Variants in RTN2 observed in about 807,000 individuals in gnomAD.
The protein encoded by RTN2 is reticulon 2, also known as reticulon-2.
RTN2 carries 36 observed loss-of-function variants against 63.7 expected under a neutral mutation model. That is an observed-to-expected ratio of 0.56 (90% CI 0.43 to 0.75). The LOEUF (loss-of-function observed/expected upper bound fraction) is 0.75. Ranked by LOEUF, RTN2 falls within the 30% of genes least tolerant of loss-of-function variation. The pLI is 0.00. For synonymous variants in RTN2, 312 were observed against 313.0 expected (o/e 1.00, Z 0.03); for missense variants, 673 against 705.1 (o/e 0.95, Z 0.52).
At position 45,493,183 on chromosome 19, in the gene RTN2, A is replaced by T; in HGVS notation, c.1010T>A (p.Leu337His). ...PRSSGVPSLS[L>H]GADMGSKVAD... is the part of the protein sequence containing the mutation. ...ACCTTTACTCCCCATATCGGCTCCG[A>T]GTGAGAGGCTGGGGACACCGCTGCT... is the stretch of plus-strand genomic sequence containing the variant. The change falls in exon 5 of 11, where the codon CTC becomes CAC. Residue 337 changes from leucine (L) to histidine (H), a missense_variant. Leu to His is a moderately conservative substitution (Grantham distance 99). Coordinates refer to ENST00000245923, the MANE Select transcript of RTN2 (RefSeq NM_005619.5). 1 of 1,612,350 alleles carries T rather than the reference A, an allele frequency of 6.2e-7. No individual in the cohort carries two copies. The highest frequency in any genetic ancestry group is 8.5e-7 in the Non-Finnish European group (1 of 1,179,832).
chr19:45,493,135 C>A (rs746486867), intron 5 of RTN2, 25 bp downstream of exon 5: 3 of 1,605,778 alleles, frequency 1.9e-6, no homozygotes, highest in Non-Finnish European at 2.6e-6. Context: ...CCTCAGCCCC[C>A]GTCCAGCCCG....
chr19:45,494,668 G>A lies in RTN2; in HGVS notation c.417C>T (p.Asp139=), dbSNP rs1025906520. The A allele has an allele frequency of 3.5e-5, 57 of 1,613,862 alleles. No individual in the cohort carries two copies. The highest frequency in any genetic ancestry group is 4.4e-5 in the Non-Finnish European group (52 of 1,180,010). Residue 139 remains aspartate (D), a synonymous_variant, in exon 3 of 11, where the codon GAC becomes GAT. Transcript: ENST00000245923. This position sits in a 1 kb window ranked among gnomAD's most constrained non-coding sequence, Gnocchi z 5.3. ...CCAGATGGTCCAACCGAAGCCTCAG[G>A]TCTTCCAGAGGGCGCTCGGATGGAG... The part of the protein sequence containing the change: ...TAPPSERPLE[D]LRLRLDHLGW...
Position 45,494,361 on chromosome 19 carries a change from G to A in RTN2, c.619C>T (p.Leu207Phe). The A allele has an allele frequency of 6.2e-7, 1 of 1,614,144 alleles. No homozygotes were observed. Among genetic ancestry groups the A allele is most frequent in the Non-Finnish European group, 8.5e-7 (1 of 1,180,004 alleles). Residue 207 changes from leucine (L) to phenylalanine (F), a missense_variant, in exon 4 of 11, where the codon CTC (leucine) becomes TTC (phenylalanine). Physicochemically the swap from Leu to Phe is conservative, Grantham distance 22 (BLOSUM62 0). Coordinates refer to ENST00000245923, the MANE Select transcript of RTN2 (RefSeq NM_005619.5). This position sits in a 1 kb window ranked among gnomAD's most constrained non-coding sequence, Gnocchi z 5.3. ...TGGGGTGTCCCAGAGCCCGGACTGA[G>A]CTGGGGAGTCAAGACCTCGGGCGAT... ...PSSPEVLTPQ[L>F]SPGSGTPQAG... is the part of the protein sequence containing the mutation.
At position 45,496,783 on chromosome 19, in the gene RTN2, T is replaced by C. The variant is rs771688017; in HGVS notation, c.34+9A>G. On this transcript the variant is annotated intron_variant, in intron 1 of 10. Transcript: ENST00000245923. ...GGCCCACACCAGGCCCCAGTCTTCCTCTACTCACTGCAGTGGGCGAAGACC... is the reference window on the plus strand; with the variant it reads ...GGCCCACACCAGGCCCCAGTCTTCCCCTACTCACTGCAGTGGGCGAAGACC... The C allele has an allele frequency of 1.3e-6, 2 of 1,514,302 alleles. No homozygotes were observed. The highest frequency in any genetic ancestry group is 8.9e-7 in the Non-Finnish European group (1 of 1,125,682). The allele number at this position is 1,514,302 out of a possible 1,614,324, so 93.8% of individuals were successfully genotyped here.
chr19:45,494,885 A>T lies in RTN2; in HGVS notation c.200T>A (p.Ile67Asn). The stretch of plus-strand genomic sequence containing the variant: ...GGAGCCCACTACACCATCAAAGGCG[A>T]TGTAGGAGAAGGTCAGCTCCCGGGG... ...GTPRELTFSY[I>N]AFDGVVGSGG... Residue 67 changes from isoleucine to asparagine, a missense_variant, in exon 3 of 11, where the codon ATC becomes AAC. Physicochemically the swap from Ile to Asn is moderately radical, Grantham distance 149 (BLOSUM62 -3). Coordinates refer to ENST00000245923, the MANE Select transcript of RTN2 (RefSeq NM_005619.5). This position sits in a 1 kb window ranked among gnomAD's most constrained non-coding sequence, Gnocchi z 5.3. 6.2e-7 allele frequency: 1 copy of T among 1,610,572 alleles called. No homozygotes were observed. The highest frequency in any genetic ancestry group is 8.5e-7 in the Non-Finnish European group (1 of 1,179,980).
At chr19:45,492,809 G>A (rs1209160750) in intron 5 of RTN2, among the ~76,000 whole-genome samples, 1 of 152,192 alleles carries the variant, frequency 6.6e-6, no homozygotes. Flanking sequence ...GTGGATGGGG[G>A]AGGGGCCAGG....
rs1276098803 is a variant in RTN2 at position 45,488,537 on chromosome 19, G to A, written c.1451-20C>T. The A allele has an allele frequency of 1.7e-5, 27 of 1,613,874 alleles. No homozygotes were observed. In the East Asian group the frequency reaches 6.0e-4, roughly 36 times the overall value. On this transcript the variant is annotated intron_variant, in intron 8 of 10. Transcript: ENST00000245923. Reference sequence around the variant, plus strand: ...TCACTCCTGTGGGTACAGAGATGGGGGCGTCAGGGTGTTCCCAAGAGATGA... The same window carrying A: ...TCACTCCTGTGGGTACAGAGATGGGAGCGTCAGGGTGTTCCCAAGAGATGA...
Position 45,485,510 on chromosome 19 carries a change from C to G in RTN2, c.*198G>C. ...AAGGTGCCTCGTCTTTCCTGGACTC[C>G]TGGAGCAGAGCCTCTTGGGAAATGT... On this transcript the variant is annotated 3_prime_UTR_variant, in exon 11 of 11. Coordinates refer to ENST00000245923, the MANE Select transcript of RTN2 (RefSeq NM_005619.5). The G allele has an allele frequency of 1.7e-6, 1 of 587,998 alleles. No individual in the cohort carries two copies. The allele number at this position is 587,998 out of a possible 1,614,324, so 36.4% of individuals were successfully genotyped here.
Position 45,494,416 on chromosome 19 carries a change from C to T in RTN2, c.564G>A (p.Leu188=), listed in dbSNP as rs752906428. ...GCTGAGCAAGTCGGAGTCGTAGGTCCAGTTCTGATACGGTAGAGAGAGGAG... is the reference window on the plus strand; with the variant it reads ...GCTGAGCAAGTCGGAGTCGTAGGTCTAGTTCTGATACGGTAGAGAGAGGAG... ...RLETGEAGEE[L]DLRLRLAQPS... is the part of the protein sequence containing the mutation. Residue 188 remains leucine (L), a synonymous_variant, in exon 4 of 11, where the codon CTG becomes CTA. Transcript: ENST00000245923. The surrounding 1 kb of genome is among the most constrained non-coding windows in gnomAD (Gnocchi z 5.3). The T allele has an allele frequency of 6.2e-7, 1 of 1,612,116 alleles. No individual in the cohort carries two copies. The highest frequency in any genetic ancestry group is 1.3e-5 in the African/African-American group (1 of 74,978).
At chr19:45,492,732 CA>C (rs1968186100) in intron 5 of RTN2, among the ~76,000 whole-genome samples, 1 of 152,196 alleles carries the variant, frequency 6.6e-6, no homozygotes, top group South Asian at 2.1e-4. Flanking sequence ...CATTTACCTC[CA>C]AATAGGGCAG....
chr19:45,492,917 G>C (rs897504606), intron 5 of RTN2, among the ~76,000 whole-genome samples: 2 of 152,024 alleles, frequency 1.3e-5, no homozygotes, highest in Non-Finnish European at 2.9e-5. Flanking sequence ...GCGCTGCCTG[G>C]GGCCGAGGCT....
rs2122198337 is a variant in RTN2, at chr19:45,485,503, T to G, written c.*205A>C. On this transcript the variant is annotated 3_prime_UTR_variant, in exon 11 of 11. Transcript: ENST00000245923. ...CGCGGCCAAGGTGCCTCGTCTTTCC[T>G]GGACTCCTGGAGCAGAGCCTCTTGG... The G allele has an allele frequency of 1.7e-6, 1 of 580,716 alleles. No homozygotes were observed. The highest frequency in any genetic ancestry group is 3.1e-6 in the Non-Finnish European group (1 of 324,374). The allele number at this position is 580,716 out of a possible 1,614,324, so 36.0% of individuals were successfully genotyped here. A position where few individuals can be genotyped will look rare whatever the true frequency, so the allele number is the denominator to read the frequency against.
rs370166820 is a variant in RTN2 at position 45,488,985 on chromosome 19, C to A, written c.1243G>T (p.Ala415Ser). ...HRGDGANPFQ[A>S]YLDVDLTLTR... is the part of the protein sequence containing the mutation. ...AGGGTGAGGTCCACATCCAGGTAGG[C>A]CCTGCGGGGACAAAGGAGTGTGGGG... Residue 415 changes from alanine to serine, a missense_variant and splice_region_variant, in exon 7 of 11, where the codon GCC (alanine) becomes TCC (serine). Ala to Ser is a moderately conservative substitution (Grantham distance 99). Coordinates refer to ENST00000245923, the MANE Select transcript of RTN2 (RefSeq NM_005619.5). 10 of 1,610,592 alleles carry A rather than the reference C, an allele frequency of 6.2e-6. No homozygotes were observed. In the African/African-American group the frequency reaches 1.2e-4, roughly 19 times the overall value.
chr19:45,485,766 G>A lies in RTN2; in HGVS notation c.1580C>T (p.Thr527Ile), dbSNP rs1412971995. The change falls in exon 11 of 11, where the codon ACC becomes ATC. Residue 527 changes from threonine (T) to isoleucine (I), a missense_variant. Coordinates refer to ENST00000245923, the MANE Select transcript of RTN2 (RefSeq NM_005619.5). ...GGCTGCTGCAGAGGCCAGGGCTCCG[G>A]TCCCTGGGATTTTAGCTCGGATCCT... ...KAKIRAKIPGTGALASAAAAV... is the reference protein window; with the variant it reads ...KAKIRAKIPGIGALASAAAAV... 3 of 1,613,992 alleles carry A rather than the reference G, an allele frequency of 1.9e-6. No individual in the cohort carries two copies. Among genetic ancestry groups the A allele is most frequent in the Non-Finnish European group, 2.5e-6 (3 of 1,179,932 alleles).
At chr19:45,485,861 A>T in intron 10 of RTN2, 72 bp from the exon 11 acceptor site, 2 of 1,354,520 alleles carry the variant, frequency 1.5e-6, no homozygotes, top group Admixed American at 3.4e-5. Flanking sequence ...ACAACGGGGA[A>T]AGCTGGGTGG....
At position 45,496,872 on chromosome 19, in the gene RTN2, C is replaced by G; in HGVS notation, c.-47G>C. The G allele has an allele frequency of 7.7e-7, 1 of 1,300,574 alleles. No individual in the cohort carries two copies. Among genetic ancestry groups the G allele is most frequent in the Non-Finnish European group, 1.0e-6 (1 of 983,846 alleles). 80.6% of individuals were successfully genotyped at this position (1,300,574 alleles called of 1,614,324 possible). ...GGGACCCCCGCCCACTCCGGCTGTG[C>G]CGCCCTGGGCCCGGGGTCGCGGGCG... On this transcript the variant is annotated 5_prime_UTR_variant, in exon 1 of 11. Transcript: ENST00000245923.
intron 5 of RTN2, among the ~76,000 whole-genome samples, chr19:45,490,903 T>G (rs1419486621): frequency 6.7e-6 from 1 of 150,186 alleles, no homozygotes; most frequent in African/African-American, 2.5e-5. Flanking sequence ...TTTTTTTTTT[T>G]GAGACAGAGT....
Position 45,494,934 on chromosome 19 carries a change from TCTC to T in RTN2, c.148_150del (p.Glu50del), listed in dbSNP as rs767238040. 3.5e-5 allele frequency: 56 copies of T among 1,613,688 alleles called. No individual in the cohort carries two copies. The Admixed American group carries it at 5.8e-4, about 17-fold the overall frequency. ...GGGGTGCCCCAGTCCTGCGACGTGGTCTCCTCCTCGTCCTCCTCTGAGAATTCC... is the reference window on the plus strand; with the variant it reads ...GGGGTGCCCCAGTCCTGCGACGTGGTCTCCTCGTCCTCCTCTGAGAATTCC... On this transcript the variant is annotated inframe_deletion, in exon 3 of 11. Coordinates refer to ENST00000245923, the MANE Select transcript of RTN2 (RefSeq NM_005619.5). The surrounding 1 kb of genome is among the most constrained non-coding windows in gnomAD (Gnocchi z 5.3).
intron 5 of RTN2, 124 bp downstream of exon 5, chr19:45,493,036 C>G (rs1417333057): frequency 9.7e-7 from 1 of 1,027,796 alleles, no homozygotes; most frequent in African/African-American, 1.6e-5. Context: ...CCCCCTAGCC[C>G]CAGCCTGCAG....
Sources: gnomAD v4.1 joint callset for allele counts (sites outside exome capture counted in the v4.1 genomes callset) on GRCh38, gnomAD v4.1.1 for gene constraint, Gnocchi (gnomAD v3.1) non-coding constraint, MANE v1.5 for transcripts, NCBI Gene and HGNC (gene_info 2026-07-23, HGNC 2026-07-21) for gene names.